POU2F1: variants seen among roughly 807,000 people sequenced by gnomAD.
The protein encoded by POU2F1 is POU class 2 homeobox 1, also known as POU domain, class 2, transcription factor 1.
A neutral mutation model predicts 84.9 loss-of-function variants in POU2F1; 16 were observed. That is an observed-to-expected ratio of 0.19 (90% CI 0.13 to 0.29). POU2F1 has a LOEUF of 0.29. Ranked by LOEUF, POU2F1 falls within the 10% of genes least tolerant of loss-of-function variation. The pLI is 1.00. For missense variants in POU2F1, 738 were observed against 942.6 expected (o/e 0.78, Z 2.84); for synonymous variants, 368 against 368.3 (o/e 1.00, Z 0.01).
At chr1:167,370,354 T>G (rs1659932487) in intron 4 of POU2F1, 140 bp downstream of exon 4, 1 of 672,694 alleles carries the variant, frequency 1.5e-6, no homozygotes, top group Admixed American at 3.3e-5. Flanking sequence ...AAGATTCAAA[T>G]AATGATAATT....
chr1:167,383,684 G>T, intron 7 of POU2F1, 173 bp from the exon 8 acceptor site: 1 of 564,388 alleles, frequency 1.8e-6, no homozygotes. Flanking sequence ...TCTCTTCCAA[G>T]TTGTAAAACA....
intron 2 of POU2F1, among the ~76,000 whole-genome samples, chr1:167,335,473 G>GGTGTTGACTTCACCTTCA (rs1657386579): frequency 6.6e-6 from 1 of 152,142 alleles, no homozygotes; most frequent in Non-Finnish European, 1.5e-5. Context: ...AGGATCAGAA[G>GGTGTTGACTTCACCTTCA]TGCAGAATGA....
chr1:167,322,702 G>A (rs1571299300), intron 1 of POU2F1, among the ~76,000 whole-genome samples: 1 of 152,158 alleles, frequency 6.6e-6, no homozygotes, highest in Non-Finnish European at 1.5e-5. Context: ...TGGGAATCAG[G>A]GCTGACAGCC....
intron 1 of POU2F1, among the ~76,000 whole-genome samples, chr1:167,315,269 A>T (rs961717996): frequency 1.3e-5 from 2 of 152,232 alleles, no homozygotes. Flanking sequence ...CAGAGAAATA[A>T]AAAATTATGT....
At chr1:167,260,100 G>C (rs893373069) in intron 1 of POU2F1, among the ~76,000 whole-genome samples, 7 of 152,182 alleles carry the variant, frequency 4.6e-5, no homozygotes, top group African/African-American at 1.4e-4. Flanking sequence ...GGATGGTCTC[G>C]ATCTCCTGAC....
chr1:167,414,490 G>A lies in POU2F1; in HGVS notation c.1991-1010G>A, dbSNP rs375223910. The stretch of plus-strand genomic sequence containing the variant: ...TGTAAGAAATCAAATGTGTAATGCC[G>A]TTAGAAAATCCCTCAAATCTACATG... On this transcript the variant is annotated intron_variant, in intron 15 of 15. Transcript: ENST00000367866. 1.1e-4 allele frequency: 110 copies of A among 985,354 alleles called. 1 individual carries two copies. The East Asian group carries it at 8.0e-3, about 72-fold the overall frequency. The allele number at this position is 985,354 out of a possible 1,614,324, so 61.0% of individuals were successfully genotyped here.
chr1:167,250,829 T>G (rs1650673841), intron 1 of POU2F1, among the ~76,000 whole-genome samples: 1 of 152,352 alleles, frequency 6.6e-6, no homozygotes, highest in South Asian at 2.1e-4. Flanking sequence ...CATTGTCTTC[T>G]TAGTTATAAG....
At chr1:167,404,074 C>A (rs1649389840) in intron 13 of POU2F1, among the ~76,000 whole-genome samples, 1 of 151,978 alleles carries the variant, frequency 6.6e-6, no homozygotes, top group African/African-American at 2.4e-5. Context: ...TCTAAAATTT[C>A]ACTACAAGGT....
rs750863760 is a variant in POU2F1 at position 167,374,223 on chromosome 1, G to C, written c.518G>C (p.Gly173Ala). 3 of 1,613,804 alleles carry C rather than the reference G, an allele frequency of 1.9e-6. No individual in the cohort carries two copies. The highest frequency in any genetic ancestry group is 1.3e-5 in the African/African-American group (1 of 74,908). The change falls in exon 6 of 16, where the codon GGA (glycine) becomes GCA (alanine). Residue 173 changes from glycine (G) to alanine (A), a missense_variant. Physicochemically the swap from Gly to Ala is moderately conservative, Grantham distance 60. Transcript: ENST00000367866. ...GCCAGCCAGCAGCACAGTGCTGCTG[G>C]AGCCACCATCTCCGCCTCTGCTGCC... ...HSASQQHSAA[G>A]ATISASAATP...
At chr1:167,402,302 T>G (rs1649270983) in intron 13 of POU2F1, among the ~76,000 whole-genome samples, 1 of 152,218 alleles carries the variant, frequency 6.6e-6, no homozygotes. Context: ...TATTTCATAA[T>G]GAAGCTTGAT....
intron 1 of POU2F1, among the ~76,000 whole-genome samples, chr1:167,328,422 G>GCAC (rs1267620208): frequency 6.6e-6 from 1 of 152,200 alleles, no homozygotes; most frequent in Non-Finnish European, 1.5e-5. Context: ...CAGTAGACTA[G>GCAC]CACCATCTTG....
At chr1:167,357,899 G>A (rs1468670164) in intron 2 of POU2F1, among the ~76,000 whole-genome samples, 2 of 150,070 alleles carry the variant, frequency 1.3e-5, no homozygotes, top group African/African-American at 2.5e-5. Flanking sequence ...CGCTTCCTGG[G>A]TTCAAGCAAT....
chr1:167,294,255 A>G (rs1654133588), intron 1 of POU2F1, among the ~76,000 whole-genome samples: 1 of 150,848 alleles, frequency 6.6e-6, no homozygotes, highest in Non-Finnish European at 1.5e-5. Flanking sequence ...AGGCTGAGGT[A>G]GGAGAATGAT....
At chr1:167,278,541 A>G (rs1333863402) in intron 1 of POU2F1, among the ~76,000 whole-genome samples, 4 of 152,188 alleles carry the variant, frequency 2.6e-5, no homozygotes, top group African/African-American at 9.6e-5. Context: ...GCATAATCTG[A>G]TTAGGCTTCA....
At chr1:167,262,081 G>A (rs182556246) in intron 1 of POU2F1, among the ~76,000 whole-genome samples, 1 of 152,348 alleles carries the variant, frequency 6.6e-6, no homozygotes, top group East Asian at 1.9e-4. Context: ...TCTTGGGACA[G>A]GGATGGTGTT....
chr1:167,237,787 T>A (rs1243014525), intron 1 of POU2F1, among the ~76,000 whole-genome samples: 3 of 133,594 alleles, frequency 2.2e-5, no homozygotes, highest in Admixed American at 1.5e-4. Flanking sequence ...TTTTTTTTTT[T>A]TTTTTTTTTT....
chr1:167,336,858 G>C (rs1355972136), intron 2 of POU2F1, among the ~76,000 whole-genome samples: 1 of 151,808 alleles, frequency 6.6e-6, no homozygotes, highest in East Asian at 1.9e-4. Flanking sequence ...GTGAAACCCT[G>C]CCTCTACTAA....
At chr1:167,285,861 G>A (rs1653494605) in intron 1 of POU2F1, among the ~76,000 whole-genome samples, 1 of 152,210 alleles carries the variant, frequency 6.6e-6, no homozygotes, top group Non-Finnish European at 1.5e-5. Flanking sequence ...AGAAGTGGCA[G>A]TTGAGCTAGA....
At chr1:167,405,406 A>C (rs1285065012) in intron 13 of POU2F1, among the ~76,000 whole-genome samples, 5 of 152,014 alleles carry the variant, frequency 3.3e-5, no homozygotes. Flanking sequence ...GGCCATGTGC[A>C]GTGGCTTATG....
Sources: allele counts gnomAD v4.1 joint callset (sites outside exome capture counted in the v4.1 genomes callset), GRCh38; gene constraint gnomAD v4.1.1; transcripts MANE v1.5; gene names NCBI Gene and HGNC (gene_info 2026-07-23, HGNC 2026-07-21).